Variants in P3H3 observed in about 807,000 individuals in gnomAD.
P3H3 encodes gene rich cluster, B.
P3H3 carries 64 observed loss-of-function variants against 78.1 expected under a neutral mutation model. The ratio of observed to expected loss-of-function variants is 0.82; its 90% confidence interval spans 0.67 to 1.01. P3H3 has a LOEUF of 1.01. P3H3 is among the 50% of genes least tolerant of loss of function. The pLI is 0.00. For synonymous variants in P3H3, 425 were observed against 416.7 expected, an observed-to-expected ratio of 1.02 and a Z score of -0.24; for missense variants, 975 against 982.2, an observed-to-expected ratio of 0.99 and a Z score of 0.10.
rs1394848880 is a variant in P3H3, at chr12:6,839,779, G to A, written c.*318G>A. ...GCTGATGCTTTAAATGAAGAGGATG[G>A]TGGGGTTGGGAGGTATAACCCTGCT... On this transcript the variant is annotated 3_prime_UTR_variant, in exon 15 of 15. Transcript: ENST00000290510. The A allele has an allele frequency of 8.9e-6, 3 of 338,570 alleles. No individual in the cohort carries two copies. The highest frequency in any genetic ancestry group is 1.7e-5 in the Non-Finnish European group (3 of 180,022). The allele number at this position is 338,570 out of a possible 1,614,324, so 21.0% of individuals were successfully genotyped here. A position where few individuals can be genotyped will look rare whatever the true frequency, so the allele number is the denominator to read the frequency against.
In P3H3 at chr12:6,833,919, T is replaced by C; in HGVS notation, c.1334-6T>C. ...AGCCCCCTCTGCTCTGTCTTTTCCC[T>C]GGCAGATGTCCTTCTCCTGGAGGGT... On this transcript the variant is annotated splice_polypyrimidine_tract_variant and splice_region_variant and intron_variant, in intron 8 of 14. Coordinates refer to ENST00000290510, the MANE Select transcript of P3H3 (RefSeq NM_014262.5). 6.2e-7 allele frequency: 1 copy of C among 1,613,974 alleles called. No individual in the cohort carries two copies. The highest frequency in any genetic ancestry group is 1.1e-5 in the South Asian group (1 of 91,084).
Position 6,837,013 on chromosome 12 carries a change from G to A in P3H3, c.1487G>A (p.Gly496Asp). Residue 496 changes from glycine (G) to aspartate (D), a missense_variant, in exon 10 of 15, where the codon GGC becomes GAC. By Grantham distance (94) the Gly-to-Asp change is moderately conservative. Transcript: ENST00000290510. Reference protein sequence around the residue: ...KDAAGAGARSGYRGRRSPHTP... With the variant: ...KDAAGAGARSDYRGRRSPHTP... ...GCAGCTGGGGCTGGAGCCAGGTCTGGCTATCGTGGTCGCCGCTCCCCTCAC... is the reference window on the plus strand; with the variant it reads ...GCAGCTGGGGCTGGAGCCAGGTCTGACTATCGTGGTCGCCGCTCCCCTCAC... The A allele has an allele frequency of 6.2e-7, 1 of 1,610,618 alleles. No homozygotes were observed. The highest frequency in any genetic ancestry group is 8.5e-7 in the Non-Finnish European group (1 of 1,179,788).
intron 9 of P3H3, among the ~76,000 whole-genome samples, chr12:6,835,596 T>G (rs946985264): frequency 6.6e-6 from 1 of 151,726 alleles, no homozygotes; most frequent in Non-Finnish European, 1.5e-5. Flanking sequence ...AAAAATAAAT[T>G]TTTTTAAATA....
intron 13 of P3H3, among the ~76,000 whole-genome samples, chr12:6,838,398 C>T (rs960727129): frequency 3.9e-5 from 6 of 152,066 alleles, no homozygotes; most frequent in East Asian, 1.9e-4. Flanking sequence ...GACTGGGGCT[C>T]GGATTCTGAA....
chr12:6,830,152 C>G lies in P3H3; in HGVS notation c.651+141C>G, dbSNP rs1036535538. 3.4e-6 allele frequency: 4 copies of G among 1,167,354 alleles called. No homozygotes were observed. In the African/African-American group the frequency reaches 6.2e-5, roughly 18 times the overall value. The allele number at this position is 1,167,354 out of a possible 1,614,324, so 72.3% of individuals were successfully genotyped here. A position where few individuals can be genotyped will look rare whatever the true frequency, so the allele number is the denominator to read the frequency against. ...AGCGACCCTGGCTGGGAGTCCTTCT[C>G]TAGGACTTCGTTTCCTTCCTGGATG... On this transcript the variant is annotated intron_variant, in intron 2 of 14. Coordinates refer to ENST00000290510, the MANE Select transcript of P3H3 (RefSeq NM_014262.5).
At position 6,831,964 on chromosome 12, in the gene P3H3, G is replaced by T. The variant is rs781871242; in HGVS notation, c.1212+50G>T. On this transcript the variant is annotated intron_variant, in intron 6 of 14. Transcript: ENST00000290510. This position sits in a 1 kb window ranked among gnomAD's most constrained non-coding sequence, Gnocchi z 4.6. Reference sequence around the variant, plus strand: ...CTCACCCCTCCGCACTCCCAGGAGGGATGGCACTTTGGTTTGCAACAGAGT... The same window carrying T: ...CTCACCCCTCCGCACTCCCAGGAGGTATGGCACTTTGGTTTGCAACAGAGT... 9.3e-6 allele frequency: 10 copies of T among 1,073,790 alleles called. No individual in the cohort carries two copies. The highest frequency in any genetic ancestry group is 1.4e-5 in the Non-Finnish European group (10 of 713,118). 66.5% of individuals were successfully genotyped at this position (1,073,790 alleles called of 1,614,324 possible). A position where few individuals can be genotyped will look rare whatever the true frequency, so the allele number is the denominator to read the frequency against.
At position 6,829,538 on chromosome 12, in the gene P3H3, C is replaced by T. The variant is rs935581806; in HGVS notation, c.499-321C>T. 9 of 367,060 alleles carry T rather than the reference C, an allele frequency of 2.5e-5. No individual in the cohort carries two copies. Among genetic ancestry groups the T allele is most frequent in the Admixed American group, 9.0e-5 (2 of 22,106 alleles). 22.7% of individuals were successfully genotyped at this position (367,060 alleles called of 1,614,324 possible). ...GGGTTTTGCTGGTCGCTGAGGTCTCCCCCACTTCCCCACCTCACTTAAGCC... is the reference window on the plus strand; with the variant it reads ...GGGTTTTGCTGGTCGCTGAGGTCTCTCCCACTTCCCCACCTCACTTAAGCC... On this transcript the variant is annotated intron_variant, in intron 1 of 14. Transcript: ENST00000290510. The surrounding 1 kb of genome is among the most constrained non-coding windows in gnomAD (Gnocchi z 5.1).
Position 6,837,538 on chromosome 12 carries a change from C to T in P3H3, c.1676C>T (p.Ser559Phe), listed in dbSNP as rs1221484004. ...TCCCCGGAACGGCCCCTGCATCTGT[C>T]CTTCACCCACCTGGTGTGCCGCAGC... ...YFSPERPLHL[S>F]FTHLVCRSAI... The change falls in exon 11 of 15, where the codon TCC (serine) becomes TTC (phenylalanine). Residue 559 changes from serine to phenylalanine, a missense_variant. Transcript: ENST00000290510. The T allele has an allele frequency of 1.2e-6, 2 of 1,612,540 alleles. No individual in the cohort carries two copies. The highest frequency in any genetic ancestry group is 8.5e-7 in the Non-Finnish European group (1 of 1,179,350).
intron 2 of P3H3, 69 bp downstream of exon 2, chr12:6,830,080 A>G (rs1349676980): frequency 2.5e-6 from 4 of 1,583,876 alleles, no homozygotes; most frequent in Non-Finnish European, 3.5e-6. Context: ...GGCCTCACTA[A>G]ACTGTGCGTT....
In P3H3 at chr12:6,830,426, C is replaced by G; in HGVS notation, c.725C>G (p.Ala242Gly). ...AGLALPRLEE[A>G]LQGSLAQMES... ...CTGGCACTGCCCAGGCTAGAGGAGG[C>G]TCTTCAGGGGAGCCTGGCCCAGATG... Residue 242 changes from alanine (A) to glycine (G), a missense_variant, in exon 3 of 15, where the codon GCT becomes GGT. Physicochemically the swap from Ala to Gly is moderately conservative, Grantham distance 60 (BLOSUM62 0). Coordinates refer to ENST00000290510, the MANE Select transcript of P3H3 (RefSeq NM_014262.5). 2 of 1,587,412 alleles carry G rather than the reference C, an allele frequency of 1.3e-6. No individual in the cohort carries two copies. The highest frequency in any genetic ancestry group is 1.7e-6 in the Non-Finnish European group (2 of 1,168,134).
Position 6,831,725 on chromosome 12 carries a change from GC to G in P3H3, c.1123-98del. ...GAACAGAGGAACCGGGGGGCATGGTGCCAGGTTCAAGGAGCATGGAGCACCC... is the reference window on the plus strand; with the variant it reads ...GAACAGAGGAACCGGGGGGCATGGTGCAGGTTCAAGGAGCATGGAGCACCC... On this transcript the variant is annotated intron_variant, in intron 5 of 14. Coordinates refer to ENST00000290510, the MANE Select transcript of P3H3 (RefSeq NM_014262.5). This position sits in a 1 kb window ranked among gnomAD's most constrained non-coding sequence, Gnocchi z 4.6. 1 of 770,012 alleles carries G rather than the reference GC, an allele frequency of 1.3e-6. No homozygotes were observed. Among genetic ancestry groups the G allele is most frequent in the Non-Finnish European group, 2.3e-6 (1 of 444,098 alleles). 47.7% of individuals were successfully genotyped at this position (770,012 alleles called of 1,614,324 possible).
rs1411564772 is a variant in P3H3, at chr12:6,829,567, A to G, written c.499-292A>G. ...ACTTCCCCACCTCACTTAAGCCATC[A>G]CTTCCACCTGGTCTCCCAAATTGAG... On this transcript the variant is annotated intron_variant, in intron 1 of 14. Coordinates refer to ENST00000290510, the MANE Select transcript of P3H3 (RefSeq NM_014262.5). This position sits in a 1 kb window ranked among gnomAD's most constrained non-coding sequence, Gnocchi z 5.1. The G allele has an allele frequency of 9.5e-6, 4 of 418,938 alleles. No homozygotes were observed. Among genetic ancestry groups the G allele is most frequent in the African/African-American group, 2.0e-5 (1 of 48,810 alleles). 26.0% of individuals were successfully genotyped at this position (418,938 alleles called of 1,614,324 possible). A position where few individuals can be genotyped will look rare whatever the true frequency, so the allele number is the denominator to read the frequency against.
Position 6,830,751 on chromosome 12 carries a change from A to G in P3H3, c.966A>G (p.Leu322=). The change falls in exon 4 of 15, where the codon CTA becomes CTG. Residue 322 remains leucine, a synonymous_variant. Coordinates refer to ENST00000290510, the MANE Select transcript of P3H3 (RefSeq NM_014262.5). The part of the protein sequence containing the change: ...PDFLPNQLRR[L]HEAHAQVGNL... ...TCCTTCCCAACCAGCTGAGGCGGCT[A>G]CATGAGGCCCATGCTCAGGGTCAGT... is the stretch of plus-strand genomic sequence containing the variant. The G allele has an allele frequency of 1.2e-6, 2 of 1,614,006 alleles. No homozygotes were observed. Among genetic ancestry groups the G allele is most frequent in the Non-Finnish European group, 1.7e-6 (2 of 1,179,872 alleles).
At chr12:6,835,751 T>C (rs1555122038) in intron 9 of P3H3, among the ~76,000 whole-genome samples, 1 of 152,110 alleles carries the variant, frequency 6.6e-6, no homozygotes, top group African/African-American at 2.4e-5. Flanking sequence ...CCAAGGAGTT[T>C]GGGCTTTATC....
chr12:6,839,187 G>T, intron 14 of P3H3, 47 bp downstream of exon 14: 3 of 1,576,588 alleles, frequency 1.9e-6, no homozygotes, highest in Non-Finnish European at 2.6e-6. Flanking sequence ...GTGCGTGAAG[G>T]GTGGGCAAGG....
Position 6,837,585 on chromosome 12 carries a change from AC to A in P3H3, c.1711+18del, listed in dbSNP as rs781869238. On this transcript the variant is annotated intron_variant, in intron 11 of 14. Transcript: ENST00000290510. ...CAGCGCCATAGAAGGTACGACAGGGACCCCCCACTGCTCTTCTCCAACCTCA... is the reference window on the plus strand; with the variant it reads ...CAGCGCCATAGAAGGTACGACAGGGACCCCCACTGCTCTTCTCCAACCTCA... 1.2e-6 allele frequency: 2 copies of A among 1,610,126 alleles called. No individual in the cohort carries two copies. The highest frequency in any genetic ancestry group is 2.2e-5 in the East Asian group (1 of 44,596).
At position 6,829,948 on chromosome 12, in the gene P3H3, G is replaced by T; in HGVS notation, c.588G>T (p.Lys196Asn). The T allele has an allele frequency of 6.2e-7, 1 of 1,614,042 alleles. No homozygotes were observed. The highest frequency in any genetic ancestry group is 1.1e-5 in the South Asian group (1 of 91,088). ...TGCAGATGCGGGAGGACATGGCTAA[G>T]TACAGACGAATGTCGGGAGTTCGGC... ...MHLQMREDMAKYRRMSGVRPQ... is the reference protein window; with the variant it reads ...MHLQMREDMANYRRMSGVRPQ... Residue 196 changes from lysine (K) to asparagine (N), a missense_variant, in exon 2 of 15, where the codon AAG (lysine) becomes AAT (asparagine). Physicochemically the swap from Lys to Asn is moderately conservative, Grantham distance 94. Transcript: ENST00000290510. This position sits in a 1 kb window ranked among gnomAD's most constrained non-coding sequence, Gnocchi z 5.1.
At position 6,830,695 on chromosome 12, in the gene P3H3, C is replaced by CGCCCTG. The variant is rs782407623; in HGVS notation, c.912_917dup (p.Pro305_Gly306dup). On this transcript the variant is annotated inframe_insertion, in exon 4 of 15. Coordinates refer to ENST00000290510, the MANE Select transcript of P3H3 (RefSeq NM_014262.5). ...ACGCTGTGTGGGGGAAACAGCCACA[C>CGCCCTG]GCCCTGGTCGCAGCTTCCCTGTCCC... The CGCCCTG allele has an allele frequency of 5.6e-6, 9 of 1,613,556 alleles. No individual in the cohort carries two copies. The highest frequency in any genetic ancestry group is 7.6e-6 in the Non-Finnish European group (9 of 1,179,752).
chr12:6,829,813 C>A lies in P3H3; in HGVS notation c.499-46C>A. ...AGGCTGGCCAGGGGGCAGAGGTCTG[C>A]CCCCCGTCCCAGGGCTCTGATGCCC... On this transcript the variant is annotated intron_variant, in intron 1 of 14. Transcript: ENST00000290510. This position sits in a 1 kb window ranked among gnomAD's most constrained non-coding sequence, Gnocchi z 5.1. 6.2e-7 allele frequency: 1 copy of A among 1,609,594 alleles called. No homozygotes were observed.
Sources: gnomAD v4.1 joint callset for allele counts (sites outside exome capture counted in the v4.1 genomes callset) on GRCh38, gnomAD v4.1.1 for gene constraint, Gnocchi (gnomAD v3.1) non-coding constraint, MANE v1.5 for transcripts, NCBI Gene and HGNC (gene_info 2026-07-23, HGNC 2026-07-21) for gene names.